BCR: variants seen among roughly 807,000 people sequenced by gnomAD.
The protein encoded by BCR is breakpoint cluster region protein.
In BCR, 58 loss-of-function variants were observed where a neutral mutation model predicts 138.6. The observed-to-expected ratio is 0.42, with a 90% CI of 0.34 to 0.52. The LOEUF is 0.52. BCR is among the 20% of genes least tolerant of loss of function. The probability of loss-of-function intolerance (pLI) is 0.06; values close to 1 mark genes in which losing one functional copy is unlikely to be tolerated. For missense variants in BCR, 1,599 were observed against 1,727.2 expected (o/e 0.93, Z 1.32); for synonymous variants, 786 against 730.1 (o/e 1.08, Z -1.23).
At chr22:23,311,626 T>A (rs62219814) in intron 18 of BCR, 71 bp from the exon 19 acceptor site, 1 of 1,381,466 alleles carries the variant, frequency 7.2e-7, no homozygotes, top group African/African-American at 1.4e-5. Flanking sequence ...TGTGCAGATA[T>A]GGAGCAGGTC....
In BCR at chr22:23,258,243, C is replaced by T. The variant is rs2073317713; in HGVS notation, c.1462-2707C>T. Among the ~76,000 whole-genome samples the T allele has an allele frequency of 4.7e-5, 7 of 148,858 alleles. No individual in the cohort carries two copies. In the Admixed American group the frequency reaches 4.7e-4, roughly 10 times the overall value. On this transcript the variant is annotated intron_variant, in intron 2 of 22. Transcript: ENST00000305877. ...AGTGTGCACACACTTAGGAGATTCC[C>T]AGGGCAAAAAGGTGGCCCAGGAAGG...
rs1200006145 is a variant in BCR at position 23,261,549 on chromosome 22, C to A, written c.1752+9C>A. 6.2e-7 allele frequency: 1 copy of A among 1,610,480 alleles called. No individual in the cohort carries two copies. The highest frequency in any genetic ancestry group is 1.7e-5 in the Admixed American group (1 of 59,992). On this transcript the variant is annotated intron_variant, in intron 4 of 22. Transcript: ENST00000305877. ...ACCTCTTCCAGAAGCTGGTGAGTAA[C>A]CCAGGGCCGGTGCTGGGACTACAGG...
chr22:23,272,008 T>C (rs556957055), intron 6 of BCR, among the ~76,000 whole-genome samples: 1 of 152,238 alleles, frequency 6.6e-6, no homozygotes, highest in East Asian at 1.9e-4. Flanking sequence ...GTATTTTTAA[T>C]AGAGATGGGG....
intron 1 of BCR, among the ~76,000 whole-genome samples, chr22:23,234,910 G>T (rs1475391442): frequency 7.0e-6 from 1 of 143,624 alleles, no homozygotes; most frequent in Non-Finnish European, 1.6e-5. Flanking sequence ...GAGTAGAGGG[G>T]CATGTGTTGT....
At chr22:23,265,255 C>T (rs2330369) in intron 4 of BCR, among the ~76,000 whole-genome samples, 1 of 152,100 alleles carries the variant, frequency 6.6e-6, no homozygotes, top group Non-Finnish European at 1.5e-5. Context: ...GAGAGGCTGG[C>T]GTTGCAGTGG....
intron 1 of BCR, among the ~76,000 whole-genome samples, chr22:23,233,247 A>AGGCT (rs1442533794): frequency 2.6e-5 from 4 of 152,158 alleles, no homozygotes; most frequent in African/African-American, 9.7e-5. Context: ...CTTCCTGAGC[A>AGGCT]GCCTCTGCAG....
At chr22:23,215,782 A>G (rs1411178309) in intron 1 of BCR, among the ~76,000 whole-genome samples, 1 of 152,150 alleles carries the variant, frequency 6.6e-6, no homozygotes, top group Non-Finnish European at 1.5e-5. Flanking sequence ...GGGTTGGGAC[A>G]GTGGTTCTGC....
At chr22:23,314,215 G>A in intron 21 of BCR, 142 bp downstream of exon 21, 5 of 700,754 alleles carry the variant, frequency 7.1e-6, no homozygotes, top group Non-Finnish European at 1.2e-5. Context: ...GGCGACTAGT[G>A]CCACTGCCAC....
chr22:23,307,119 G>C (rs1337693645), intron 16 of BCR, among the ~76,000 whole-genome samples: 1 of 152,176 alleles, frequency 6.6e-6, no homozygotes, highest in Non-Finnish European at 1.5e-5. Flanking sequence ...GTAGAGCCAG[G>C]GTCTCTCGCT....
chr22:23,192,948 A>G (rs5996483), intron 1 of BCR, among the ~76,000 whole-genome samples: 44,077 of 152,032 alleles, frequency 0.29, 6,498 homozygotes, highest in East Asian at 0.35. Context: ...CTCCAGGCAA[A>G]GCCAGGACAC....
intron 8 of BCR, among the ~76,000 whole-genome samples, chr22:23,282,536 C>A (rs1602100635): frequency 6.6e-6 from 1 of 152,218 alleles, no homozygotes; most frequent in East Asian, 1.9e-4. Context: ...GCTGTTCTTG[C>A]AAATGGGGAG....
At chr22:23,247,561 T>C (rs116935692) in intron 1 of BCR, among the ~76,000 whole-genome samples, 1 of 152,150 alleles carries the variant, frequency 6.6e-6, no homozygotes. Flanking sequence ...CTGGGGCACA[T>C]TGGCAGAGGT....
rs12483810 is a variant in BCR, at chr22:23,263,335, G to T, written c.1752+1795G>T. The T allele has an allele frequency of 2.3e-5, 27 of 1,191,388 alleles. No homozygotes were observed. The East Asian group carries it at 5.6e-4, about 25-fold the overall frequency. 73.8% of individuals were successfully genotyped at this position (1,191,388 alleles called of 1,614,324 possible). A position where few individuals can be genotyped will look rare whatever the true frequency, so the allele number is the denominator to read the frequency against. Reference sequence around the variant, plus strand: ...TTCACCAACTGCGACCTGCTCCGGCGCCAGATAGCCTGGGCCTCGCTCAAC... The same window carrying T: ...TTCACCAACTGCGACCTGCTCCGGCTCCAGATAGCCTGGGCCTCGCTCAAC... On this transcript the variant is annotated intron_variant, in intron 4 of 22. Transcript: ENST00000305877.
At chr22:23,303,669 G>GA (rs1234157444) in intron 16 of BCR, among the ~76,000 whole-genome samples, 1 of 152,224 alleles carries the variant, frequency 6.6e-6, no homozygotes, top group Non-Finnish European at 1.5e-5. Context: ...TAAACATCAT[G>GA]AAAATGTAAG....
intron 1 of BCR, among the ~76,000 whole-genome samples, chr22:23,246,560 T>A (rs1226514711): frequency 1.3e-5 from 2 of 152,172 alleles, no homozygotes; most frequent in African/African-American, 4.8e-5. Context: ...TAGAAATGCC[T>A]TCTCTTTGGA....
In BCR at chr22:23,290,354, G is replaced by A; in HGVS notation, c.2723G>A (p.Gly908Glu). Residue 908 changes from glycine (G) to glutamate (E), a missense_variant, in exon 14 of 23, where the codon GGG (glycine) becomes GAG (glutamate). Transcript: ENST00000305877. ...TCTTGCGCAGATGATGAGTCTCCGGGGCTCTATGGGTTTCTGAATGTCATC... is the reference window on the plus strand; with the variant it reads ...TCTTGCGCAGATGATGAGTCTCCGGAGCTCTATGGGTTTCTGAATGTCATC... ...TINKEDDESP[G>E]LYGFLNVIVH... The A allele has an allele frequency of 1.2e-6, 2 of 1,614,090 alleles. No homozygotes were observed. Among genetic ancestry groups the A allele is most frequent in the Non-Finnish European group, 1.7e-6 (2 of 1,179,976 alleles).
rs912979357 is a variant in BCR at position 23,254,769 on chromosome 22, T to C, written c.1461+789T>C. On this transcript the variant is annotated intron_variant, in intron 2 of 22. Coordinates refer to ENST00000305877, the MANE Select transcript of BCR (RefSeq NM_004327.4). ...TTGACCTCTTGGGTTCCTTACTTCT[T>C]GGGCTGAGAAAATCACTGCCCCAGG... is the stretch of plus-strand genomic sequence containing the variant. Among the ~76,000 whole-genome samples the C allele has an allele frequency of 5.3e-5, 8 of 152,354 alleles. No homozygotes were observed. The East Asian group carries it at 1.5e-3, about 29-fold the overall frequency.
chr22:23,213,954 C>T (rs2072718604), intron 1 of BCR, among the ~76,000 whole-genome samples: 1 of 152,050 alleles, frequency 6.6e-6, no homozygotes, highest in Admixed American at 6.5e-5. Context: ...AAATGCATGC[C>T]TGATAATGGG....
chr22:23,295,200 CT>C, intron 16 of BCR, 45 bp downstream of exon 16: 1 of 1,402,796 alleles, frequency 7.1e-7, no homozygotes, highest in Non-Finnish European at 9.6e-7. Flanking sequence ...GCATGGCGTC[CT>C]TTTTCATGCA....
Sources: allele counts gnomAD v4.1 joint callset (sites outside exome capture counted in the v4.1 genomes callset), GRCh38; gene constraint gnomAD v4.1.1; transcripts MANE v1.5; gene names NCBI Gene and HGNC (gene_info 2026-07-23, HGNC 2026-07-21).